SARDH: variants seen among roughly 807,000 people sequenced by gnomAD.
The protein encoded by SARDH is sarcosine dehydrogenase, mitochondrial.
SARDH carries 95 observed loss-of-function variants against 109.1 expected under a neutral mutation model. That is an observed-to-expected ratio of 0.87 (90% CI 0.74 to 1.03). The LOEUF (loss-of-function observed/expected upper bound fraction) is 1.03. Ranked by LOEUF, SARDH falls within the 50% of genes least tolerant of loss-of-function variation. The probability of loss-of-function intolerance (pLI) is 0.00; values close to 1 mark genes in which losing one functional copy is unlikely to be tolerated. For synonymous variants in SARDH, 572 were observed against 534.8 expected (o/e 1.07, Z -0.96); for missense variants, 1,267 against 1,287.8 (o/e 0.98, Z 0.25).
chr9:133,679,470 T>C (rs1344232011), intron 17 of SARDH, among the ~76,000 whole-genome samples: 1 of 152,260 alleles, frequency 6.6e-6, no homozygotes, highest in Non-Finnish European at 1.5e-5. Flanking sequence ...GAAAATCACT[T>C]GATCACCGTG....
downstream of SARDH, among the ~76,000 whole-genome samples, chr9:133,660,054 CCACCCCCACCT>C (rs1313273040): frequency 6.7e-6 from 1 of 148,630 alleles, no homozygotes; most frequent in African/African-American, 2.5e-5. Flanking sequence ...AGCGACAACC[CCACCCCCACCT>C]CACCCCCCAC....
chr9:133,704,995 G>A lies in SARDH; in HGVS notation c.1507C>T (p.His503Tyr), dbSNP rs1260142530. ...LGQGCVFQER[H>Y]GWERPGWFHP... is the part of the protein sequence containing the mutation. Reference sequence around the variant, plus strand: ...AACCATCCCGGTCGCTCCCAGCCATGCCGCTCCTGGAACACGCAGCCTTGT... The same window carrying A: ...AACCATCCCGGTCGCTCCCAGCCATACCGCTCCTGGAACACGCAGCCTTGT... Residue 503 changes from histidine to tyrosine, a missense_variant, in exon 12 of 21, where the codon CAT becomes TAT. Coordinates refer to ENST00000439388, the MANE Select transcript of SARDH (RefSeq NM_001134707.2). This position sits in a 1 kb window ranked among gnomAD's most constrained non-coding sequence, Gnocchi z 4.5. The A allele has an allele frequency of 1.3e-6, 2 of 1,591,104 alleles. No individual in the cohort carries two copies. The highest frequency in any genetic ancestry group is 1.7e-6 in the Non-Finnish European group (2 of 1,169,820).
At chr9:133,691,453 G>A (rs1831094421) in intron 15 of SARDH, among the ~76,000 whole-genome samples, 1 of 152,240 alleles carries the variant, frequency 6.6e-6, no homozygotes, top group South Asian at 2.1e-4. Context: ...AAGCTGACAT[G>A]GCAGAGAGCA....
Position 133,729,795 on chromosome 9 carries a change from A to G in SARDH, c.885T>C (p.Tyr295=). 6.2e-7 allele frequency: 1 copy of G among 1,613,014 alleles called. No homozygotes were observed. The highest frequency in any genetic ancestry group is 2.2e-5 in the East Asian group (1 of 44,878). ...TCCCCTCGATGCGCTCGGTGACGAC[A>G]TAGGCATGGTGCATGGCCACCAGCG... The part of the protein sequence containing the change: ...KVPLVAMHHA[Y]VVTERIEGIQ... The change falls in exon 6 of 21, where the codon TAT becomes TAC. Residue 295 remains tyrosine (Y), a synonymous_variant. Transcript: ENST00000439388.
chr9:133,712,728 C>T lies in SARDH; in HGVS notation c.1238-19G>A, dbSNP rs1258317347. 1 of 1,603,706 alleles carries T rather than the reference C, an allele frequency of 6.2e-7. No homozygotes were observed. Among genetic ancestry groups the T allele is most frequent in the Non-Finnish European group, 8.5e-7 (1 of 1,178,934 alleles). ...ATCATTCCTGGCAGGAAGAGAAGCGCAGGGCTGCGGTCTGCCCCCCAGGGT... is the reference window on the plus strand; with the variant it reads ...ATCATTCCTGGCAGGAAGAGAAGCGTAGGGCTGCGGTCTGCCCCCCAGGGT... On this transcript the variant is annotated intron_variant, in intron 9 of 20. Coordinates refer to ENST00000439388, the MANE Select transcript of SARDH (RefSeq NM_001134707.2). The surrounding 1 kb of genome is among the most constrained non-coding windows in gnomAD (Gnocchi z 4.1).
At chr9:133,682,616 G>T (rs1830734508) in intron 17 of SARDH, among the ~76,000 whole-genome samples, 1 of 152,150 alleles carries the variant, frequency 6.6e-6, no homozygotes, top group African/African-American at 2.4e-5. Flanking sequence ...TAGAAGTGAG[G>T]TCTGCACTCA....
intron 15 of SARDH, 81 bp from the exon 16 acceptor site, chr9:133,690,608 C>T (rs147163440): frequency 5.7e-5 from 86 of 1,502,704 alleles, no homozygotes; most frequent in South Asian, 2.0e-4. Context: ...AAGGGTCTCC[C>T]GGCTGAGAAA....
chr9:133,678,605 A>G (rs747588007), intron 17 of SARDH, among the ~76,000 whole-genome samples: 14 of 152,150 alleles, frequency 9.2e-5, no homozygotes, highest in Non-Finnish European at 1.6e-4. Flanking sequence ...GTCCTGTCCC[A>G]TGCCTGGGAG....
upstream of SARDH, among the ~76,000 whole-genome samples, chr9:133,738,760 G>T (rs1225169694): frequency 6.6e-6 from 1 of 152,232 alleles, no homozygotes; most frequent in Non-Finnish European, 1.5e-5. Context: ...CTTTGGTGAG[G>T]TCATCTCAGC....
intron 12 of SARDH, chr9:133,703,377 G>C: frequency 3.0e-6 from 1 of 332,338 alleles, no homozygotes; most frequent in South Asian, 4.1e-5. Context: ...GCAATCCCAG[G>C]CCCAGCTCCT....
intron 17 of SARDH, among the ~76,000 whole-genome samples, chr9:133,672,654 G>C (rs905887132): frequency 6.6e-6 from 1 of 152,226 alleles, no homozygotes; most frequent in Admixed American, 6.5e-5. Context: ...GGTCAGCCCC[G>C]GCCCAGCACC....
intron 17 of SARDH, among the ~76,000 whole-genome samples, chr9:133,679,408 G>A (rs953742550): frequency 6.6e-6 from 1 of 152,218 alleles, no homozygotes. Context: ...AGGACTTCTC[G>A]CTGTCAGGAA....
intron 9 of SARDH, 31 bp downstream of exon 9, chr9:133,713,007 G>A (rs746205971): frequency 6.3e-7 from 1 of 1,588,098 alleles, no homozygotes; most frequent in Non-Finnish European, 8.6e-7. Flanking sequence ...CCTCCCTCTT[G>A]GGGGCCAGGA....
In SARDH at chr9:133,683,713, C is replaced by T. The variant is rs550654581; in HGVS notation, c.2163+1480G>A. On this transcript the variant is annotated intron_variant, in intron 17 of 20. Transcript: ENST00000439388. ...TAGTTTCTGGCCGCCTCCTCCCTGACAGTCATCGCCAGATTGTTTATCTGC... is the reference window on the plus strand; with the variant it reads ...TAGTTTCTGGCCGCCTCCTCCCTGATAGTCATCGCCAGATTGTTTATCTGC... 4.2e-4 allele frequency among the ~76,000 whole-genome samples: 64 copies of T among 152,334 alleles called. 2 individuals are homozygous for T. The highest frequency in any genetic ancestry group is 1.5e-3 in the African/African-American group (61 of 41,580).
intron 17 of SARDH, among the ~76,000 whole-genome samples, chr9:133,684,610 T>C (rs568487412): frequency 5.7e-4 from 87 of 152,278 alleles, no homozygotes; most frequent in African/African-American, 2.0e-3. Flanking sequence ...CCAGGTCCCA[T>C]GGAGTGCTGG....
chr9:133,705,821 A>G (rs1831674839), intron 11 of SARDH, among the ~76,000 whole-genome samples: 2 of 152,218 alleles, frequency 1.3e-5, no homozygotes, highest in African/African-American at 2.4e-5. Flanking sequence ...TTTAGGTTAA[A>G]TGAGGTCATC....
Position 133,731,334 on chromosome 9 carries a change from C to T in SARDH, c.661G>A (p.Ala221Thr). 1.9e-6 allele frequency: 3 copies of T among 1,614,132 alleles called. No homozygotes were observed. Among genetic ancestry groups the T allele is most frequent in the Middle Eastern group, 1.6e-4 (1 of 6,062 alleles). Residue 221 changes from alanine to threonine, a missense_variant, in exon 4 of 21, where the codon GCC (alanine) becomes ACC (threonine). Ala to Thr is a moderately conservative substitution (Grantham distance 58). Transcript: ENST00000439388. ...GCTCCTCGGGCAGAAGCTGCCCTGG[C>T]GAGGGTGGTACAGGTGCCAGCGGGG... Reference protein sequence around the residue: ...MDPAGTCTTLARAASARGAQV... With the variant: ...MDPAGTCTTLTRAASARGAQV...
chr9:133,677,824 G>A (rs967756426), intron 17 of SARDH, among the ~76,000 whole-genome samples: 5 of 152,214 alleles, frequency 3.3e-5, no homozygotes, highest in South Asian at 2.1e-4. Context: ...CAGCAGAGCC[G>A]CCTGCCACTG....
In SARDH at chr9:133,730,234, G is replaced by T. The variant is rs1002654977; in HGVS notation, c.691-47C>A. The T allele has an allele frequency of 3.7e-6, 6 of 1,604,990 alleles. No homozygotes were observed. In the Admixed American group the frequency reaches 8.4e-5, roughly 22 times the overall value. On this transcript the variant is annotated intron_variant, in intron 4 of 20. Coordinates refer to ENST00000439388, the MANE Select transcript of SARDH (RefSeq NM_001134707.2). ...TCTAAAATCCCACGGGACTCCCCGG[G>T]GGTGCTTCCCACCCCACTCCAACCA...
Sources: gnomAD v4.1 joint callset for allele counts (sites outside exome capture counted in the v4.1 genomes callset) on GRCh38, gnomAD v4.1.1 for gene constraint, Gnocchi (gnomAD v3.1) non-coding constraint, MANE v1.5 for transcripts, NCBI Gene and HGNC (gene_info 2026-07-23, HGNC 2026-07-21) for gene names.